NBPF14: variants seen among roughly 807,000 people sequenced by gnomAD.
The protein encoded by NBPF14 is NBPF family member NBPF14.
NBPF14 carries 104 observed loss-of-function variants against 91.2 expected under a neutral mutation model. The observed-to-expected ratio is 1.14, with a 90% CI of 0.97 to 1.34. The LOEUF is 1.34. Among genes scored for constraint, NBPF14 ranks in the 40% most tolerant of loss-of-function variants. The probability of loss-of-function intolerance (pLI) is 0.00; values close to 1 mark genes in which losing one functional copy is unlikely to be tolerated. For missense variants in NBPF14, 908 were observed against 783.0 expected, an observed-to-expected ratio of 1.16 and a Z score of -1.91; for synonymous variants, 294 against 303.8, an observed-to-expected ratio of 0.97 and a Z score of 0.34.
intron 14 of NBPF14, among the ~76,000 whole-genome samples, 182 bp downstream of exon 14, chr1:148,577,800 AG>A (rs1660199293): frequency 1.4e-5 from 2 of 139,594 alleles, no homozygotes; most frequent in Admixed American, 1.5e-4. Flanking sequence ...GTAAATGATA[AG>A]GGTAGGAAGA....
rs1172024006 is a variant in NBPF14, at chr1:148,533,847, T to A, written c.8723+14A>T. Reference sequence around the variant, plus strand: ...TTAACACAGAACTAAGGATCCACAATTGCTGAAAGTCACCTGGGGCATGGT... The same window carrying A: ...TTAACACAGAACTAAGGATCCACAAATGCTGAAAGTCACCTGGGGCATGGT... On this transcript the variant is annotated intron_variant, in intron 70 of 70. Transcript: ENST00000619423. 3.9e-6 allele frequency: 3 copies of A among 765,246 alleles called. No individual in the cohort carries two copies. The highest frequency in any genetic ancestry group is 2.4e-5 in the East Asian group (1 of 41,222). The allele number at this position is 765,246 out of a possible 1,614,324, so 47.4% of individuals were successfully genotyped here.
chr1:148,572,728 C>T, intron 20 of NBPF14, 113 bp from the exon 21 acceptor site: 2 of 608,030 alleles, frequency 3.3e-6, no homozygotes, highest in Admixed American at 2.3e-5. Context: ...AAGGACAGAT[C>T]CATTAATGAG....
chr1:148,555,222 CCCTT>C lies in NBPF14; in HGVS notation c.5315_5318del (p.Lys1772SerfsTer22), dbSNP rs1656539831. The C allele has an allele frequency of 1.6e-5, 3 of 185,384 alleles. No homozygotes were observed. Among genetic ancestry groups the C allele is most frequent in the African/African-American group, 1.7e-4 (1 of 5,754 alleles). The allele number at this position is 185,384 out of a possible 1,614,324, so 11.5% of individuals were successfully genotyped here. On this transcript the variant is annotated frameshift_variant, in exon 43 of 71. Transcript: ENST00000619423. LOFTEE classifies it high-confidence loss of function. ...CCAGTGAGTCCTGCAAGACTTCAGGCCCTTTCTCATCCAGCAGCTCCCTGCTGAG... is the reference window on the plus strand; with the variant it reads ...CCAGTGAGTCCTGCAAGACTTCAGGCTCTCATCCAGCAGCTCCCTGCTGAG...
rs1167999414 is a variant in NBPF14 at position 148,533,936 on chromosome 1, C to T, written c.8648G>A (p.Arg2883Lys). The T allele has an allele frequency of 5.4e-6, 4 of 739,792 alleles. No individual in the cohort carries two copies. The African/African-American group carries it at 7.1e-5, about 13-fold the overall frequency. 45.8% of individuals were successfully genotyped at this position (739,792 alleles called of 1,614,324 possible). ...TCTTTCCTTCTTTGATCTTCTTCCCCTTCTTTTTTTCCCCTTCCCCTTCTT... is the reference window on the plus strand; with the variant it reads ...TCTTTCCTTCTTTGATCTTCTTCCCTTTCTTTTTTTCCCCTTCCCCTTCTT... The change falls in exon 70 of 71, where the codon AGG becomes AAG. Residue 2883 changes from arginine to lysine, a missense_variant. Physicochemically the swap from Arg to Lys is conservative, Grantham distance 26. Around this residue, in one of 13 missense-constraint regions of NBPF14, gnomAD observed 279 missense variants for 107.7 expected, o/e 2.59. Transcript: ENST00000619423.
intron 34 of NBPF14, among the ~76,000 whole-genome samples, chr1:148,561,812 C>A (rs1396957163): frequency 2.9e-5 from 4 of 136,572 alleles, no homozygotes; most frequent in Admixed American, 6.9e-5. Context: ...AACACACACA[C>A]ACACACAGAG....
chr1:148,574,472 C>CAGAG (rs1177707680), intron 18 of NBPF14, among the ~76,000 whole-genome samples: 11 of 21,788 alleles, frequency 5.0e-4, no homozygotes, highest in African/African-American at 1.0e-3. Context: ...CACACACACA[C>CAGAG]AGAGAGAGAG....
exon 37 of NBPF14, chr1:148,559,852 T>A: frequency 1.3e-6 from 2 of 1,521,240 alleles, no homozygotes; most frequent in South Asian, 1.2e-5. Context: ...GGCACTTCTA[T>A]AGGGCTGGCA....
intron 68 of NBPF14, 84 bp from the exon 69 acceptor site, chr1:148,534,940 G>C (rs1197844492): frequency 2.7e-6 from 2 of 746,524 alleles, no homozygotes; most frequent in Non-Finnish European, 2.4e-6. Context: ...GCTAACATAA[G>C]GAACAGTTTA....
At chr1:148,534,980 G>A (rs1396228913) in intron 68 of NBPF14, 124 bp from the exon 69 acceptor site, 3 of 730,468 alleles carry the variant, frequency 4.1e-6, no homozygotes, top group East Asian at 5.1e-5. Flanking sequence ...CATTAATGAG[G>A]TAACGAATTA....
At chr1:148,595,969 T>G in exon 1 of NBPF14, 1 of 312,388 alleles carries the variant, frequency 3.2e-6, no homozygotes, top group Non-Finnish European at 5.5e-6. Context: ...CAGACTCTGA[T>G]AAGAGTGAGG....
At chr1:148,587,256 A>G in intron 8 of NBPF14, 45 bp downstream of exon 8, 1 of 1,488,204 alleles carries the variant, frequency 6.7e-7, no homozygotes, top group East Asian at 2.2e-5. Flanking sequence ...TACTTCAGAG[A>G]TTTACACACC....
At chr1:148,578,949 G>GAT in intron 13 of NBPF14, 125 bp downstream of exon 13, 1 of 682,328 alleles carries the variant, frequency 1.5e-6, no homozygotes, top group Non-Finnish European at 2.7e-6. Context: ...AATCTACATT[G>GAT]ATATATAGGT....
rs1288751727 is a variant in NBPF14 at position 148,585,669 on chromosome 1, A to T, written c.1307-456T>A. Among the ~76,000 whole-genome samples the T allele has an allele frequency of 1.3e-4, 20 of 149,002 alleles. No homozygotes were observed. The East Asian group carries it at 3.9e-3, about 29-fold the overall frequency. The stretch of plus-strand genomic sequence containing the variant: ...GTGGCTTCTGCTGTATTCTTCAGGG[A>T]CATTCTATCCATGGGGAGTGCTCCA... On this transcript the variant is annotated intron_variant, in intron 9 of 70. Transcript: ENST00000619423.
In NBPF14 at chr1:148,557,701, A is replaced by G. The variant is rs1303220353; in HGVS notation, c.4955-159T>C. The stretch of plus-strand genomic sequence containing the variant: ...AGGAGGCCTGAAAGCTGGTCATGAT[A>G]TTCCTTGCTTTGCATCTCAGAACCA... On this transcript the variant is annotated intron_variant, in intron 39 of 70. Transcript: ENST00000619423. Among the ~76,000 whole-genome samples, 6 of 130,418 alleles carry G rather than the reference A, an allele frequency of 4.6e-5. No individual in the cohort carries two copies. The East Asian group carries it at 1.4e-3, about 31-fold the overall frequency. The allele number at this position is 130,418 out of a possible 152,430, so 85.6% of individuals were successfully genotyped here.
At chr1:148,559,284 G>C (rs1410115680) in intron 37 of NBPF14, among the ~76,000 whole-genome samples, 2 of 114,082 alleles carry the variant, frequency 1.8e-5, no homozygotes, top group East Asian at 2.8e-4. Flanking sequence ...TCCCTATTCT[G>C]GTAGATCGTT....
At chr1:148,535,981 T>A (rs1655118812) in intron 67 of NBPF14, among the ~76,000 whole-genome samples, 1 of 150,742 alleles carries the variant, frequency 6.6e-6, no homozygotes, top group African/African-American at 2.4e-5. Flanking sequence ...AGATCCAACA[T>A]CTTGAGAGTA....
intron 6 of NBPF14, among the ~76,000 whole-genome samples, chr1:148,589,933 T>C (rs1662176718): frequency 1.4e-5 from 2 of 148,100 alleles, no homozygotes; most frequent in South Asian, 4.4e-4. Context: ...GGTTTCGCCA[T>C]CTTGGACAGG....
intron 13 of NBPF14, among the ~76,000 whole-genome samples, chr1:148,578,828 G>C (rs1270527659): frequency 1.3e-5 from 2 of 149,994 alleles, no homozygotes; most frequent in African/African-American, 4.9e-5. Flanking sequence ...TGAGTTCAAT[G>C]TCGTGACAGT....
rs1323702801 is a variant in NBPF14 at position 148,595,290 on chromosome 1, G to C, written c.175+253C>G. ...CCCCTTGGAGAAAACAGGTCATTCTGTGCCTGCGTTAGAAATCAATAACTG... is the reference window on the plus strand; with the variant it reads ...CCCCTTGGAGAAAACAGGTCATTCTCTGCCTGCGTTAGAAATCAATAACTG... On this transcript the variant is annotated intron_variant, in intron 2 of 70. Transcript: ENST00000619423. Among the ~76,000 whole-genome samples the C allele has an allele frequency of 1.6e-4, 24 of 148,130 alleles. 3 individuals are homozygous for C. Among genetic ancestry groups the C allele is most frequent in the African/African-American group, 5.5e-4 (22 of 39,990 alleles).
Sources: gnomAD v4.1 joint callset for allele counts (sites outside exome capture counted in the v4.1 genomes callset) on GRCh38, gnomAD v4.1.1 for gene constraint, gnomAD v4.1.1 regional missense constraint, MANE v1.5 for transcripts, NCBI Gene and HGNC (gene_info 2026-07-23, HGNC 2026-07-21) for gene names.